Variants in MPPED2 observed in about 807,000 individuals in gnomAD.
The protein encoded by MPPED2 is metallophosphoesterase domain containing 2, also known as metallophosphoesterase MPPED2.
In MPPED2, 5 loss-of-function variants were observed where a neutral mutation model predicts 33.0. The ratio of observed to expected loss-of-function variants is 0.15; its 90% CI spans 0.08 to 0.32. The LOEUF is 0.32. Among genes scored for constraint, MPPED2 ranks in the 10% least tolerant of loss-of-function variants. The pLI, the probability that MPPED2 is intolerant of heterozygous loss-of-function variation, is 1.00. For missense variants in MPPED2, 275 were observed against 372.1 expected (o/e 0.74, Z 2.15); for synonymous variants, 136 against 141.9 (o/e 0.96, Z 0.29).
At chr11:30,501,772 C>CT (rs1437856397) in intron 3 of MPPED2, 1 of 177,454 alleles carries the variant, frequency 5.6e-6, no homozygotes, top group Admixed American at 6.5e-5. Context: ...CTGATGAACT[C>CT]TATAACAATG....
At chr11:30,579,630 G>A (rs1957079217) in intron 2 of MPPED2, among the ~76,000 whole-genome samples, 1 of 152,124 alleles carries the variant, frequency 6.6e-6, no homozygotes, top group African/African-American at 2.4e-5. Context: ...TAGGGAGTGA[G>A]AGGAAAGTAC....
At chr11:30,442,075 T>C (rs1001526695) in intron 4 of MPPED2, among the ~76,000 whole-genome samples, 1 of 152,198 alleles carries the variant, frequency 6.6e-6, no homozygotes, top group Non-Finnish European at 1.5e-5. Context: ...TTGTATCTTT[T>C]CAAGACACAT....
At chr11:30,455,248 C>T (rs531861861) in intron 4 of MPPED2, among the ~76,000 whole-genome samples, 6 of 152,286 alleles carry the variant, frequency 3.9e-5, no homozygotes, top group African/African-American at 1.4e-4. Context: ...GCAAACAGGC[C>T]TGGGAACCAG....
chr11:30,554,576 T>C (rs748309269), intron 2 of MPPED2, among the ~76,000 whole-genome samples: 15 of 142,200 alleles, frequency 1.1e-4, no homozygotes, highest in Non-Finnish European at 1.8e-4. Flanking sequence ...CTGCAACCTC[T>C]GCCTCTCAGG....
chr11:30,413,009 C>T (rs1401856927), intron 6 of MPPED2, among the ~76,000 whole-genome samples: 1 of 152,190 alleles, frequency 6.6e-6, no homozygotes, highest in African/African-American at 2.4e-5. Context: ...CTCCATCATA[C>T]CTTAGGGCAG....
intron 4 of MPPED2, among the ~76,000 whole-genome samples, chr11:30,422,493 T>G (rs910012396): frequency 6.6e-6 from 1 of 152,176 alleles, no homozygotes; most frequent in Non-Finnish European, 1.5e-5. Flanking sequence ...ACACTGAATG[T>G]GTCAGTGCCA....
At chr11:30,541,291 A>C (rs921655602) in intron 2 of MPPED2, among the ~76,000 whole-genome samples, 1 of 152,176 alleles carries the variant, frequency 6.6e-6, no homozygotes. Context: ...AAATATGATA[A>C]TATTATGGCT....
chr11:30,495,192 C>T lies in MPPED2; in HGVS notation c.536+104G>A, dbSNP rs976392595. On this transcript the variant is annotated intron_variant, in intron 4 of 6. Transcript: ENST00000358117. Reference sequence around the variant, plus strand: ...TGTTGGAAATACAGCAATAAGGTTTCCTTTCATCCTAATCATTTTCATTTA... The same window carrying T: ...TGTTGGAAATACAGCAATAAGGTTTTCTTTCATCCTAATCATTTTCATTTA... The T allele has an allele frequency of 8.9e-6, 7 of 784,878 alleles. No individual in the cohort carries two copies. In the African/African-American group the frequency reaches 1.2e-4, roughly 14 times the overall value. 48.6% of individuals were successfully genotyped at this position (784,878 alleles called of 1,614,324 possible).
chr11:30,571,984 T>C (rs557872730), intron 2 of MPPED2, among the ~76,000 whole-genome samples: 1 of 152,146 alleles, frequency 6.6e-6, no homozygotes, highest in Non-Finnish European at 1.5e-5. Flanking sequence ...GAGCAGGAGA[T>C]AGATAGATTC....
chr11:30,536,144 G>A lies in MPPED2; in HGVS notation c.160C>T (p.Pro54Ser). The A allele has an allele frequency of 6.2e-7, 1 of 1,610,752 alleles. No homozygotes were observed. The highest frequency in any genetic ancestry group is 1.8e-4 in the Middle Eastern group (1 of 5,638). Residue 54 changes from proline to serine, a missense_variant, in exon 3 of 7, where the codon CCA becomes TCA. Coordinates refer to ENST00000358117, the MANE Select transcript of MPPED2 (RefSeq NM_001584.3). ...CAGACAAACCGCGTGTGGCCCGCTG[G>A]TTTTGGAGTGTCATATGGGATGGGG... ...VDPIPYDTPK[P>S]AGHTRFVCIS...
intron 3 of MPPED2, among the ~76,000 whole-genome samples, chr11:30,506,811 TG>T (rs1359436045): frequency 1.3e-5 from 2 of 152,250 alleles, no homozygotes; most frequent in Non-Finnish European, 2.9e-5. Context: ...CTGTCATTTT[TG>T]CATGCTGAAA....
chr11:30,461,208 C>T (rs1950505250), intron 4 of MPPED2, among the ~76,000 whole-genome samples: 1 of 151,880 alleles, frequency 6.6e-6, no homozygotes, highest in African/African-American at 2.4e-5. Context: ...GCTAGGGGCT[C>T]GGGTGAAGGA....
At chr11:30,401,637 T>C (rs576216379) in intron 6 of MPPED2, among the ~76,000 whole-genome samples, 1 of 152,288 alleles carries the variant, frequency 6.6e-6, no homozygotes, top group African/African-American at 2.4e-5. Context: ...AGAAGGTCAA[T>C]TGTAATTTTT....
Position 30,586,213 on chromosome 11 carries a change from C to G in MPPED2, c.-293G>C, listed in dbSNP as rs1243919061. On this transcript the variant is annotated 5_prime_UTR_variant, in exon 1 of 7. Transcript: ENST00000358117. This position sits in a 1 kb window ranked among gnomAD's most constrained non-coding sequence, Gnocchi z 4.8. The stretch of plus-strand genomic sequence containing the variant: ...CCGGAGGTCCCGCCGCAGGCTGGGG[C>G]TGGGGGCCAGGGGGCGCGGCGCTAG... 5.2e-5 allele frequency: 8 copies of G among 153,146 alleles called. No individual in the cohort carries two copies. Among genetic ancestry groups the G allele is most frequent in the Non-Finnish European group, 1.2e-4 (8 of 68,840 alleles). 9.5% of individuals were successfully genotyped at this position (153,146 alleles called of 1,614,324 possible).
At chr11:30,579,015 TTTTG>T (rs1316306879) in intron 2 of MPPED2, among the ~76,000 whole-genome samples, 2 of 151,486 alleles carry the variant, frequency 1.3e-5, no homozygotes, top group Non-Finnish European at 1.5e-5. Context: ...TTTTTTTTTT[TTTTG>T]GTCACTCAAG....
At chr11:30,477,056 G>T (rs1315005563) in intron 4 of MPPED2, among the ~76,000 whole-genome samples, 1 of 152,010 alleles carries the variant, frequency 6.6e-6, no homozygotes, top group East Asian at 1.9e-4. Flanking sequence ...ATTGGTTTTT[G>T]TATCTTAATC....
chr11:30,391,587 G>C (rs976207700), intron 6 of MPPED2, among the ~76,000 whole-genome samples: 9 of 152,140 alleles, frequency 5.9e-5, no homozygotes, highest in Non-Finnish European at 1.0e-4. Context: ...GAATGATTGT[G>C]TATGTTTCTA....
intron 4 of MPPED2, among the ~76,000 whole-genome samples, chr11:30,477,186 T>C (rs1020097913): frequency 2.6e-5 from 4 of 152,084 alleles, no homozygotes; most frequent in African/African-American, 9.7e-5. Flanking sequence ...TTTACTTCTT[T>C]GTCTCCAATC....
chr11:30,417,424 TTTG>T, intron 5 of MPPED2, 91 bp downstream of exon 5: 3 of 616,404 alleles, frequency 4.9e-6, no homozygotes, highest in Non-Finnish European at 5.7e-6. Flanking sequence ...TTTTTTTTTT[TTTG>T]GAGGAAAATG....
Sources: allele counts gnomAD v4.1 joint callset (sites outside exome capture counted in the v4.1 genomes callset), GRCh38; gene constraint gnomAD v4.1.1; non-coding constraint Gnocchi (gnomAD v3.1); transcripts MANE v1.5; gene names NCBI Gene and HGNC (gene_info 2026-07-23, HGNC 2026-07-21).